AGPS: variants seen among roughly 807,000 people sequenced by gnomAD.
The protein encoded by AGPS is alkyldihydroxyacetonephosphate synthase, peroxisomal.
Under a neutral mutation model 90.7 loss-of-function variants are expected in AGPS, and 26 were observed. The ratio of observed to expected loss-of-function variants is 0.29; its 90% CI spans 0.21 to 0.40. The LOEUF (loss-of-function observed/expected upper bound fraction) is 0.40, where lower values mean the gene tolerates loss of function less well. Among genes scored for constraint, AGPS ranks in the 10% least tolerant of loss-of-function variants. The probability of loss-of-function intolerance (pLI) is 1.00; values close to 1 mark genes in which losing one functional copy is unlikely to be tolerated. For synonymous variants in AGPS, 294 were observed against 285.3 expected, an observed-to-expected ratio of 1.03 and a Z score of -0.31; for missense variants, 540 against 816.1, an observed-to-expected ratio of 0.66 and a Z score of 4.12.
At position 177,393,373 on chromosome 2, in the gene AGPS, T is replaced by C. The variant is rs75637652; in HGVS notation, c.260+324T>C. On this transcript the variant is annotated intron_variant, in intron 1 of 19. Coordinates refer to ENST00000264167, the MANE Select transcript of AGPS (RefSeq NM_003659.4). The stretch of plus-strand genomic sequence containing the variant: ...CATTTTTTATCTTGAATTAATACTT[T>C]TGGTGCTGAGGTCTTGGAATGGGTA... 14,992 of 985,358 alleles carry C rather than the reference T, an allele frequency of 0.015. 360 individuals are homozygous for C. The highest frequency in any genetic ancestry group is 0.1 in the African/African-American group (5,710 of 57,316). 61.0% of individuals were successfully genotyped at this position (985,358 alleles called of 1,614,324 possible).
intron 3 of AGPS, 110 bp from the exon 4 acceptor site, chr2:177,436,654 T>G (rs1686419679): frequency 9.4e-7 from 1 of 1,061,318 alleles, no homozygotes; most frequent in African/African-American, 1.6e-5. Context: ...GCTTCAGCCT[T>G]ACTTTGAATG....
chr2:177,463,692 T>A (rs1687365368), intron 9 of AGPS, among the ~76,000 whole-genome samples: 1 of 152,202 alleles, frequency 6.6e-6, no homozygotes, highest in South Asian at 2.1e-4. Flanking sequence ...AAAGCACATT[T>A]TTCTTTTTGC....
At chr2:177,443,007 A>G (rs1002273368) in intron 7 of AGPS, among the ~76,000 whole-genome samples, 2 of 152,122 alleles carry the variant, frequency 1.3e-5, no homozygotes, top group African/African-American at 4.8e-5. Flanking sequence ...AGTAGAGAGA[A>G]TAGTTTACCC....
At chr2:177,452,629 A>G (rs1160074304) in intron 8 of AGPS, among the ~76,000 whole-genome samples, 1 of 152,158 alleles carries the variant, frequency 6.6e-6, no homozygotes, top group African/African-American at 2.4e-5. Flanking sequence ...TAAGTTGACA[A>G]TCACTACCTT....
chr2:177,427,734 G>C lies in AGPS; in HGVS notation c.351-6593G>C. ...TTCAGTTATTTTGCATTTGCTGGGG[G>C]GTGTTTTAATTCCGATTACGTGATC... On this transcript the variant is annotated intron_variant, in intron 2 of 19. Transcript: ENST00000264167. Among the ~76,000 whole-genome samples the C allele has an allele frequency of 2.0e-5, 3 of 152,062 alleles. No homozygotes were observed. The South Asian group carries it at 6.2e-4, about 32-fold the overall frequency.
At chr2:177,438,826 A>ATTAAG (rs1294333944) in intron 5 of AGPS, among the ~76,000 whole-genome samples, 1 of 152,196 alleles carries the variant, frequency 6.6e-6, no homozygotes, top group Non-Finnish European at 1.5e-5. Flanking sequence ...CCGACAAGTT[A>ATTAAG]TTAAGTCACT....
intron 2 of AGPS, among the ~76,000 whole-genome samples, chr2:177,422,910 T>TGGCTGAACAGTATTAATTC (rs1247665811): frequency 3.0e-4 from 5 of 16,906 alleles, no homozygotes; most frequent in Non-Finnish European, 5.6e-4. Context: ...ATTGAGTATC[T>TGGCTGAACAGTATTAATTC]ACTGAGTTAC....
At chr2:177,433,010 T>A (rs551508731) in intron 2 of AGPS, among the ~76,000 whole-genome samples, 28 of 152,328 alleles carry the variant, frequency 1.8e-4, no homozygotes, top group Non-Finnish European at 3.7e-4. Flanking sequence ...CATAAAGATA[T>A]ACGTCCATGA....
At chr2:177,520,919 A>G (rs1370050799) in intron 17 of AGPS, among the ~76,000 whole-genome samples, 1 of 152,244 alleles carries the variant, frequency 6.6e-6, no homozygotes, top group Non-Finnish European at 1.5e-5. Flanking sequence ...ATGGCATTTC[A>G]TCATAAAATT....
At chr2:177,500,150 C>T (rs1411128536) in intron 14 of AGPS, among the ~76,000 whole-genome samples, 2 of 151,760 alleles carry the variant, frequency 1.3e-5, no homozygotes, top group African/African-American at 4.8e-5. Flanking sequence ...TGTGTTTAAT[C>T]GAAGGTATTT....
rs1196650328 is a variant in AGPS at position 177,542,521 on chromosome 2, T to G, written c.*4326T>G. 3 of 152,166 alleles carry G rather than the reference T, an allele frequency of 2.0e-5. No individual in the cohort carries two copies. Among genetic ancestry groups the G allele is most frequent in the Non-Finnish European group, 4.4e-5 (3 of 68,010 alleles). The allele number at this position is 152,166 out of a possible 1,614,324, so 9.4% of individuals were successfully genotyped here. A position where few individuals can be genotyped will look rare whatever the true frequency, so the allele number is the denominator to read the frequency against. Reference sequence around the variant, plus strand: ...ACATGAAAAGATTTCTTTTTTGGTTTCCAAAGGAGATTATTTATTTTTCCA... The same window carrying G: ...ACATGAAAAGATTTCTTTTTTGGTTGCCAAAGGAGATTATTTATTTTTCCA... On this transcript the variant is annotated 3_prime_UTR_variant, in exon 20 of 20. Transcript: ENST00000264167.
chr2:177,462,085 A>G (rs1687309088), intron 9 of AGPS, 67 bp downstream of exon 9: 2 of 1,373,318 alleles, frequency 1.5e-6, no homozygotes, highest in African/African-American at 2.9e-5. Flanking sequence ...AAATGATTAG[A>G]AGCCTTTAAA....
intron 1 of AGPS, chr2:177,393,567 A>T: frequency 1.0e-6 from 1 of 985,308 alleles, no homozygotes; most frequent in Non-Finnish European, 1.2e-6. Flanking sequence ...ATCAAGATGT[A>T]TTGACTTTGA....
intron 8 of AGPS, among the ~76,000 whole-genome samples, chr2:177,459,111 T>C (rs11891073): frequency 7.9e-4 from 121 of 152,332 alleles, no homozygotes; most frequent in African/African-American, 2.7e-3. Flanking sequence ...GAAAACTGGC[T>C]AGCCATATGC....
chr2:177,512,163 C>T (rs923766772), intron 16 of AGPS, among the ~76,000 whole-genome samples: 1 of 151,718 alleles, frequency 6.6e-6, no homozygotes, highest in African/African-American at 2.4e-5. Flanking sequence ...AATATTAAAG[C>T]TTAATAGATT....
At chr2:177,480,128 C>T (rs954054398) in intron 10 of AGPS, among the ~76,000 whole-genome samples, 17 of 151,942 alleles carry the variant, frequency 1.1e-4, no homozygotes, top group Admixed American at 6.6e-5. Context: ...TGTGGTGAGC[C>T]GAGATCATGT....
chr2:177,523,888 T>C (rs1204771087), intron 19 of AGPS, 83 bp downstream of exon 19: 17 of 1,120,220 alleles, frequency 1.5e-5, no homozygotes, highest in Non-Finnish European at 2.0e-5. Context: ...AGAGACATGG[T>C]ATGAATAATA....
Position 177,492,970 on chromosome 2 carries a change from G to A in AGPS, c.1234-178G>A, listed in dbSNP as rs374749480. Among the ~76,000 whole-genome samples the A allele has an allele frequency of 9.3e-4, 141 of 152,058 alleles. 5 individuals are homozygous for A. The South Asian group carries it at 0.029, about 31-fold the overall frequency. Reference sequence around the variant, plus strand: ...ATTTCTTCTCTCCAAATATTTTATAGAAGTCATTGATATTTGTCTTCATAA... The same window carrying A: ...ATTTCTTCTCTCCAAATATTTTATAAAAGTCATTGATATTTGTCTTCATAA... On this transcript the variant is annotated intron_variant, in intron 11 of 19. Transcript: ENST00000264167.
chr2:177,488,372 C>T (rs184994614), intron 11 of AGPS, among the ~76,000 whole-genome samples: 203 of 152,130 alleles, frequency 1.3e-3, no homozygotes, highest in Non-Finnish European at 2.4e-3. Context: ...GCCACCACGC[C>T]CTGCTAATTT....
Sources: gnomAD v4.1 joint callset for allele counts (sites outside exome capture counted in the v4.1 genomes callset) on GRCh38, gnomAD v4.1.1 for gene constraint, MANE v1.5 for transcripts, NCBI Gene and HGNC (gene_info 2026-07-23, HGNC 2026-07-21) for gene names.